Variants in PDPR observed in about 807,000 individuals in gnomAD.
PDPR encodes the protein pyruvate dehydrogenase phosphatase regulatory subunit.
In PDPR, 50 loss-of-function variants were observed where a neutral mutation model predicts 102.2. The observed-to-expected ratio is 0.49, with a 90% confidence interval of 0.39 to 0.62. The LOEUF is 0.62. Among genes scored for constraint, PDPR ranks in the 20% least tolerant of loss-of-function variants. PDPR has a pLI of 0.00. For missense variants in PDPR, 625 were observed against 1,098.2 expected (o/e 0.57, Z 6.09); for synonymous variants, 259 against 406.0 (o/e 0.64, Z 4.35).
At chr16:70,140,971 G>C (rs556724334) in intron 11 of PDPR, among the ~76,000 whole-genome samples, 5 of 152,390 alleles carry the variant, frequency 3.3e-5, no homozygotes, top group Non-Finnish European at 2.9e-5. Context: ...CCTTTTGTTT[G>C]GGATGGTGTG....
intron 16 of PDPR, among the ~76,000 whole-genome samples, chr16:70,147,004 G>A (rs1414593149): frequency 7.4e-5 from 4 of 54,164 alleles, no homozygotes; most frequent in South Asian, 6.6e-4. Context: ...GTGCGATCTC[G>A]GCTCACTGCA....
At chr16:70,153,320 G>C (rs1203407908) in intron 17 of PDPR, 71 bp from the exon 18 acceptor site, 3 of 1,466,226 alleles carry the variant, frequency 2.0e-6, no homozygotes, top group Admixed American at 4.3e-5. Flanking sequence ...TGAGCCATCA[G>C]CGCTTCCAGA....
intron 11 of PDPR, among the ~76,000 whole-genome samples, chr16:70,139,748 T>C (rs999969195): frequency 1.3e-5 from 2 of 152,238 alleles, no homozygotes; most frequent in Non-Finnish European, 2.9e-5. Flanking sequence ...TGTAATTTCA[T>C]TTTCCTGTAC....
rs1449586366 is a variant in PDPR at position 70,136,245 on chromosome 16, A to G, written c.1049A>G (p.Glu350Gly). ...LRRMPELETLEIMKLVNCPET... is the reference protein window; with the variant it reads ...LRRMPELETLGIMKLVNCPET... ...AGGATGCCAGAATTAGAGACTCTGG[A>G]GATCATGAAGTTGGTGAACTGCCCA... The change falls in exon 10 of 19, where the codon GAG (glutamate) becomes GGG (glycine). Residue 350 changes from glutamate to glycine, a missense_variant. By Grantham distance (98) the Glu-to-Gly change is moderately conservative. This residue lies in a region of PDPR where 50 missense variants were observed against 79.9 expected (regional missense o/e 0.63). Transcript: ENST00000288050. 1 of 1,612,124 alleles carries G rather than the reference A, an allele frequency of 6.2e-7. No homozygotes were observed. Among genetic ancestry groups the G allele is most frequent in the East Asian group, 2.2e-5 (1 of 44,844 alleles).
intron 7 of PDPR, 141 bp downstream of exon 7, chr16:70,130,685 A>G (rs1313512301): frequency 2.7e-6 from 3 of 1,131,326 alleles, no homozygotes; most frequent in African/African-American, 3.1e-5. Flanking sequence ...TCTAAATCAG[A>G]AACCTACACT....
Position 70,156,884 on chromosome 16 carries a change from A to C in PDPR, c.*5A>C. 1 of 1,612,356 alleles carries C rather than the reference A, an allele frequency of 6.2e-7. No individual in the cohort carries two copies. The highest frequency in any genetic ancestry group is 1.1e-5 in the South Asian group (1 of 90,796). On this transcript the variant is annotated 3_prime_UTR_variant, in exon 19 of 19. Transcript: ENST00000288050. ...AGTGACTTACATGGGAAGTGATGCC[A>C]CCAGGGCAGCCTCACCTCCTCCCCA...
At position 70,114,362 on chromosome 16, in the gene PDPR, G is replaced by C. The variant is rs1962410082; in HGVS notation, c.-221G>C. ...CGAACCCCGCTTTCCGGCCCGCGGCGACCCCAGGCAACTGTTGTGGCTGCC... is the reference window on the plus strand; with the variant it reads ...CGAACCCCGCTTTCCGGCCCGCGGCCACCCCAGGCAACTGTTGTGGCTGCC... On this transcript the variant is annotated 5_prime_UTR_variant, in exon 1 of 19. Coordinates refer to ENST00000288050, the MANE Select transcript of PDPR (RefSeq NM_017990.5). 1 of 152,082 alleles carries C rather than the reference G, an allele frequency of 6.6e-6. No homozygotes were observed. Among genetic ancestry groups the C allele is most frequent in the African/African-American group, 2.4e-5 (1 of 41,428 alleles). 9.4% of individuals were successfully genotyped at this position (152,082 alleles called of 1,614,324 possible).
rs529808253 is a variant in PDPR, at chr16:70,157,896, G to A, written c.*1017G>A. On this transcript the variant is annotated 3_prime_UTR_variant, in exon 19 of 19. Transcript: ENST00000288050. ...TTTCTCTCCCTTTAGAATAGGGAGG[G>A]GAAGGGATCAGGTGTGTTGTCCTGG... 1 of 154,602 alleles carries A rather than the reference G, an allele frequency of 6.5e-6. No homozygotes were observed. The highest frequency in any genetic ancestry group is 2.4e-5 in the African/African-American group (1 of 41,608). The allele number at this position is 154,602 out of a possible 1,614,324, so 9.6% of individuals were successfully genotyped here. A position where few individuals can be genotyped will look rare whatever the true frequency, so the allele number is the denominator to read the frequency against.
intron 12 of PDPR, 24 bp from the exon 13 acceptor site, chr16:70,142,520 TCTACAGGGC>T (rs1291856625): frequency 6.2e-7 from 1 of 1,613,116 alleles, no homozygotes; most frequent in African/African-American, 1.3e-5. Context: ...TACACTAAAC[TCTACAGGGC>T]CTTGTGATTT....
rs1484457473 is a variant in PDPR, at chr16:70,120,381, C to T, written c.-32-80C>T. 16 of 753,012 alleles carry T rather than the reference C, an allele frequency of 2.1e-5. No homozygotes were observed. In the East Asian group the frequency reaches 2.4e-4, roughly 11 times the overall value. The allele number at this position is 753,012 out of a possible 1,614,324, so 46.6% of individuals were successfully genotyped here. On this transcript the variant is annotated intron_variant, in intron 2 of 18. Transcript: ENST00000288050. ...AAATATTTGCTGAATGAATGGCTAT[C>T]GTTCTTTGTCAAATCCCTTTCTCAT...
chr16:70,140,492 A>G (rs1316394635), intron 11 of PDPR, among the ~76,000 whole-genome samples: 3 of 152,210 alleles, frequency 2.0e-5, no homozygotes, highest in South Asian at 2.1e-4. Context: ...TTGGTAGCCA[A>G]TTCTCATGAA....
In PDPR at chr16:70,117,169, A is replaced by G. The variant is rs567829086; in HGVS notation, c.-33+2239A>G. 3.4e-5 allele frequency among the ~76,000 whole-genome samples: 5 copies of G among 145,430 alleles called. No individual in the cohort carries two copies. In the South Asian group the frequency reaches 1.1e-3, roughly 31 times the overall value. On this transcript the variant is annotated intron_variant, in intron 2 of 18. Coordinates refer to ENST00000288050, the MANE Select transcript of PDPR (RefSeq NM_017990.5). ...TAAGGTTGTGAGGATTAAATTAGTT[A>G]TATATATAGGCAGTATCTGGTGCAT...
At chr16:70,122,595 C>T (rs1225762926) in intron 3 of PDPR, among the ~76,000 whole-genome samples, 2 of 152,290 alleles carry the variant, frequency 1.3e-5, no homozygotes, top group Non-Finnish European at 2.9e-5. Context: ...ACCCTGTTTT[C>T]TCCCCTTGTA....
At chr16:70,153,102 A>G (rs948477575) in intron 17 of PDPR, among the ~76,000 whole-genome samples, 6 of 152,284 alleles carry the variant, frequency 3.9e-5, no homozygotes, top group Admixed American at 6.5e-5. Context: ...GAGAGCTTCT[A>G]TAAATTATTA....
chr16:70,123,746 C>A (rs577703829), intron 3 of PDPR, among the ~76,000 whole-genome samples: 1 of 152,362 alleles, frequency 6.6e-6, no homozygotes, highest in South Asian at 2.1e-4. Context: ...ACTATTTAAA[C>A]CTCACACTTA....
rs528574265 is a variant in PDPR at position 70,134,379 on chromosome 16, C to G, written c.998-1815C>G. 3.9e-5 allele frequency among the ~76,000 whole-genome samples: 6 copies of G among 152,140 alleles called. No homozygotes were observed. In the East Asian group the frequency reaches 1.2e-3, roughly 30 times the overall value. On this transcript the variant is annotated intron_variant, in intron 9 of 18. Transcript: ENST00000288050. Reference sequence around the variant, plus strand: ...TAGCTGGAATTACAGGCGCCCACCACAACGCAGAGCCAGTTTTTGTGTTTT... The same window carrying G: ...TAGCTGGAATTACAGGCGCCCACCAGAACGCAGAGCCAGTTTTTGTGTTTT...
Position 70,156,722 on chromosome 16 carries a change from A to G in PDPR, c.2483A>G (p.Gln828Arg), listed in dbSNP as rs780107794. 2 of 1,613,954 alleles carry G rather than the reference A, an allele frequency of 1.2e-6. No individual in the cohort carries two copies. The highest frequency in any genetic ancestry group is 1.3e-5 in the African/African-American group (1 of 74,944). Residue 828 changes from glutamine (Q) to arginine (R), a missense_variant, in exon 19 of 19, where the codon CAA becomes CGA. Coordinates refer to ENST00000288050, the MANE Select transcript of PDPR (RefSeq NM_017990.5). ...HNFSEDTGEE[Q>R]VVTADFINRG... ...TTTTCTGAGGACACGGGGGAAGAGC[A>G]AGTGGTGACAGCAGATTTCATCAAC...
At chr16:70,140,527 A>G (rs1965600507) in intron 11 of PDPR, among the ~76,000 whole-genome samples, 2 of 151,886 alleles carry the variant, frequency 1.3e-5, no homozygotes, top group Non-Finnish European at 1.5e-5. Flanking sequence ...CACATAGAAA[A>G]TGGGGAAGGC....
chr16:70,163,179 C>A (rs1196287789), downstream of PDPR, among the ~76,000 whole-genome samples: 15 of 152,362 alleles, frequency 9.8e-5, no homozygotes, highest in Non-Finnish European at 2.1e-4. Flanking sequence ...AACCCCCAAC[C>A]TCAAGTGATC....
Sources: gnomAD v4.1 joint callset for allele counts (sites outside exome capture counted in the v4.1 genomes callset) on GRCh38, gnomAD v4.1.1 for gene constraint, gnomAD v4.1.1 regional missense constraint, MANE v1.5 for transcripts, NCBI Gene and HGNC (gene_info 2026-07-23, HGNC 2026-07-21) for gene names.